Variants in CNTNAP2 observed in about 807,000 individuals in gnomAD.
CNTNAP2 encodes the protein contactin associated protein 2, also known as contactin-associated protein-like 2.
In CNTNAP2, 98 loss-of-function variants were observed where a neutral mutation model predicts 155.2. That is an observed-to-expected ratio of 0.63 (90% CI 0.54 to 0.75). The LOEUF is 0.75. CNTNAP2 is among the 30% of genes least tolerant of loss of function. The pLI is 0.00. For missense variants in CNTNAP2, 1,727 were observed against 1,688.1 expected (o/e 1.02, Z -0.40); for synonymous variants, 651 against 631.2 (o/e 1.03, Z -0.47).
intron 18 of CNTNAP2, among the ~76,000 whole-genome samples, chr7:148,194,318 C>T (rs1290490855): frequency 2.6e-5 from 4 of 151,940 alleles, no homozygotes; most frequent in Non-Finnish European, 5.9e-5. Flanking sequence ...CCTTTAAAGA[C>T]TCCTCCAGCC....
intron 13 of CNTNAP2, among the ~76,000 whole-genome samples, chr7:147,771,309 A>C (rs1457831150): frequency 6.6e-6 from 1 of 152,238 alleles, no homozygotes; most frequent in East Asian, 1.9e-4. Flanking sequence ...ACACACAAAA[A>C]AGCACACATC....
At chr7:146,777,108 T>C (rs1051629293) in intron 2 of CNTNAP2, among the ~76,000 whole-genome samples, 1 of 152,188 alleles carries the variant, frequency 6.6e-6, no homozygotes, top group Non-Finnish European at 1.5e-5. Flanking sequence ...TGACCCACAG[T>C]TCATCTCTTT....
At chr7:147,160,251 G>A (rs1238944323) in intron 8 of CNTNAP2, among the ~76,000 whole-genome samples, 1 of 152,058 alleles carries the variant, frequency 6.6e-6, no homozygotes, top group Non-Finnish European at 1.5e-5. Context: ...CGTGATGTTA[G>A]TGGATGCTTA....
chr7:146,919,883 C>A (rs559676417), intron 3 of CNTNAP2, among the ~76,000 whole-genome samples: 4 of 152,214 alleles, frequency 2.6e-5, no homozygotes, highest in African/African-American at 9.6e-5. Context: ...TCTTGGAGCA[C>A]AAGTTTACAA....
intron 8 of CNTNAP2, among the ~76,000 whole-genome samples, chr7:147,286,137 G>A (rs889983908): frequency 1.5e-4 from 23 of 151,928 alleles, no homozygotes; most frequent in African/African-American, 5.6e-4. Flanking sequence ...AAAGTCAGAG[G>A]AATTGATTTG....
intron 11 of CNTNAP2, among the ~76,000 whole-genome samples, chr7:147,516,604 CAGAG>C (rs1408340800): frequency 1.6e-5 from 2 of 123,530 alleles, no homozygotes; most frequent in African/African-American, 6.1e-5. Context: ...GTGTATGAGA[CAGAG>C]AGAGAGAGAA....
intron 13 of CNTNAP2, among the ~76,000 whole-genome samples, chr7:147,670,051 T>C (rs1795762457): frequency 6.6e-6 from 1 of 152,238 alleles, no homozygotes; most frequent in South Asian, 2.1e-4. Context: ...TTCTTTCATG[T>C]ATTGAAACTT....
chr7:148,028,736 A>G (rs1039573722), intron 15 of CNTNAP2, among the ~76,000 whole-genome samples: 5 of 152,196 alleles, frequency 3.3e-5, no homozygotes, highest in African/African-American at 1.2e-4. Context: ...CCAGGTTCAC[A>G]TGGGTCCTTC....
chr7:148,072,548 A>G (rs1304533886), intron 15 of CNTNAP2, among the ~76,000 whole-genome samples: 1 of 152,210 alleles, frequency 6.6e-6, no homozygotes, highest in East Asian at 1.9e-4. Flanking sequence ...TAAAAAGACA[A>G]AAGCCATTCT....
intron 13 of CNTNAP2, among the ~76,000 whole-genome samples, chr7:147,862,212 C>T (rs190441630): frequency 1.2e-4 from 19 of 152,116 alleles, no homozygotes; most frequent in Non-Finnish European, 2.6e-4. Context: ...TTATAAAATG[C>T]CTGACACATA....
At chr7:148,011,701 A>G (rs146495399) in intron 15 of CNTNAP2, among the ~76,000 whole-genome samples, 10 of 152,252 alleles carry the variant, frequency 6.6e-5, no homozygotes, top group Middle Eastern at 3.4e-3. Flanking sequence ...GTTTATGTTC[A>G]TTTATTGGCT....
rs1563216441 is a variant in CNTNAP2, at chr7:146,752,088, G to A, written c.98-22183G>A. ...GTAAATAGTGCTGCAATAAACATACGTGTGCATGTGTCTTTATGGTAGAAT... is the reference window on the plus strand; with the variant it reads ...GTAAATAGTGCTGCAATAAACATACATGTGCATGTGTCTTTATGGTAGAAT... On this transcript the variant is annotated intron_variant, in intron 1 of 23. Coordinates refer to ENST00000361727, the MANE Select transcript of CNTNAP2 (RefSeq NM_014141.6). 3.9e-5 allele frequency among the ~76,000 whole-genome samples: 6 copies of A among 152,122 alleles called. No homozygotes were observed. The South Asian group carries it at 8.3e-4, about 21-fold the overall frequency.
At chr7:146,792,148 A>T (rs759320276) in intron 2 of CNTNAP2, among the ~76,000 whole-genome samples, 2 of 152,146 alleles carry the variant, frequency 1.3e-5, no homozygotes, top group Non-Finnish European at 2.9e-5. Flanking sequence ...TCAATTAGAC[A>T]TTCATTATTC....
chr7:147,934,005 A>G (rs1800559205), intron 14 of CNTNAP2, among the ~76,000 whole-genome samples: 1 of 152,260 alleles, frequency 6.6e-6, no homozygotes, highest in Non-Finnish European at 1.5e-5. Flanking sequence ...GGTATCAACA[A>G]TAATCAAACT....
chr7:147,904,093 G>A (rs567283020), intron 14 of CNTNAP2, among the ~76,000 whole-genome samples: 10 of 152,254 alleles, frequency 6.6e-5, no homozygotes, highest in African/African-American at 1.4e-4. Flanking sequence ...AGCCTCCTGC[G>A]GGGAGCACAA....
At chr7:147,618,736 T>C (rs1801340593) in intron 12 of CNTNAP2, among the ~76,000 whole-genome samples, 2 of 151,390 alleles carry the variant, frequency 1.3e-5, no homozygotes, top group African/African-American at 2.4e-5. Context: ...CACACACTTA[T>C]ACGATTAAGA....
At chr7:146,730,656 G>A (rs1253046740) in intron 1 of CNTNAP2, among the ~76,000 whole-genome samples, 1 of 152,034 alleles carries the variant, frequency 6.6e-6, no homozygotes, top group African/African-American at 2.4e-5. Context: ...AAGGACTGTG[G>A]TTTCTGTTTT....
chr7:147,384,404 A>G (rs1295008905), intron 9 of CNTNAP2, among the ~76,000 whole-genome samples: 1 of 152,208 alleles, frequency 6.6e-6, no homozygotes, highest in Non-Finnish European at 1.5e-5. Context: ...TTTTAGGGTT[A>G]GGGATCTCTC....
At chr7:146,163,551 C>CTATATATATATCTATA (rs1562973300) in intron 1 of CNTNAP2, among the ~76,000 whole-genome samples, 1 of 137,906 alleles carries the variant, frequency 7.3e-6, no homozygotes, top group African/African-American at 2.9e-5. Context: ...ATCTATATAT[C>CTATATATATATCTATA]TATATCTATA....
Sources: allele counts gnomAD v4.1 joint callset (sites outside exome capture counted in the v4.1 genomes callset), GRCh38; gene constraint gnomAD v4.1.1; transcripts MANE v1.5; gene names NCBI Gene and HGNC (gene_info 2026-07-23, HGNC 2026-07-21).